The following GRAMD4 variants were observed in gnomAD, a reference collection of about 807,000 sequenced individuals.
GRAMD4 encodes the protein GRAM domain-containing protein 4.
In GRAMD4, 25 loss-of-function variants were observed where a neutral mutation model predicts 83.9. The ratio of observed to expected loss-of-function variants is 0.30; its 90% CI spans 0.22 to 0.42. The LOEUF (loss-of-function observed/expected upper bound fraction) is 0.42. Among genes scored for constraint, GRAMD4 ranks in the 10% least tolerant of loss-of-function variants. GRAMD4 has a pLI of 1.00. For synonymous variants in GRAMD4, 336 were observed against 320.9 expected, an observed-to-expected ratio of 1.05 and a Z score of -0.50; for missense variants, 593 against 788.7, an observed-to-expected ratio of 0.75 and a Z score of 2.97.
intron 1 of GRAMD4, among the ~76,000 whole-genome samples, chr22:46,583,941 CCTT>C (rs1182423423): frequency 2.6e-5 from 4 of 152,176 alleles, no homozygotes; most frequent in East Asian, 3.8e-4. Context: ...ACTGATGTGG[CCTT>C]CTTCTTCAGG....
At chr22:46,596,575 C>G (rs2081264066) in intron 1 of GRAMD4, among the ~76,000 whole-genome samples, 1 of 152,176 alleles carries the variant, frequency 6.6e-6, no homozygotes, top group African/African-American at 2.4e-5. Flanking sequence ...GTCTCATGTG[C>G]TCTGTTGCCC....
At chr22:46,614,384 G>T (rs76623128) in intron 1 of GRAMD4, among the ~76,000 whole-genome samples, 12,084 of 152,232 alleles carry the variant, frequency 0.079, 843 homozygotes, top group African/African-American at 0.19. Context: ...AATTGTGTGA[G>T]GTCTGTAGCC....
chr22:46,626,882 C>T lies in GRAMD4; in HGVS notation c.83C>T (p.Ser28Leu), dbSNP rs774960645. The part of the protein sequence containing the change: ...FLDLAESPNA[S>L]DTECSDEIPL... ...GATCTAGCGGAGTCTCCAAATGCCT[C>T]GGACACCGAATGCAGCGACGAAATC... The change falls in exon 2 of 19, where the codon TCG (serine) becomes TTG (leucine). Residue 28 changes from serine to leucine, a missense_variant. By Grantham distance (145) the Ser-to-Leu change is moderately radical. Around this residue, in one of 4 missense-constraint regions of GRAMD4, gnomAD observed 312 missense variants for 350.7 expected, o/e 0.89. Transcript: ENST00000406902. 9.3e-6 allele frequency: 15 copies of T among 1,614,010 alleles called. No homozygotes were observed. The highest frequency in any genetic ancestry group is 6.7e-5 in the East Asian group (3 of 44,888).
chr22:46,626,747 G>A lies in GRAMD4; in HGVS notation c.-49-4G>A, dbSNP rs1390609854. On this transcript the variant is annotated splice_region_variant and splice_polypyrimidine_tract_variant and intron_variant, in intron 1 of 18. Transcript: ENST00000406902. Reference sequence around the variant, plus strand: ...GGGAGAGTGACCACGCCCCTCTCTTGCAGGGAACCCGAGCGTCATGTTAGG... The same window carrying A: ...GGGAGAGTGACCACGCCCCTCTCTTACAGGGAACCCGAGCGTCATGTTAGG... 4.7e-5 allele frequency: 75 copies of A among 1,589,994 alleles called. No individual in the cohort carries two copies. Among genetic ancestry groups the A allele is most frequent in the Middle Eastern group, 1.7e-4 (1 of 5,978 alleles).
chr22:46,674,936 G>A (rs1053057360), intron 16 of GRAMD4, among the ~76,000 whole-genome samples, 186 bp downstream of exon 16: 3 of 152,242 alleles, frequency 2.0e-5, no homozygotes, highest in African/African-American at 7.2e-5. Context: ...AGCCGGACGT[G>A]GCCTGGGCTG....
chr22:46,586,977 ACCCT>A (rs2081156800), intron 1 of GRAMD4, among the ~76,000 whole-genome samples: 1 of 152,006 alleles, frequency 6.6e-6, no homozygotes, highest in South Asian at 2.1e-4. Context: ...CCCAGAACCC[ACCCT>A]CTTACCCGGG....
At chr22:46,623,822 C>T (rs1218655982) in intron 1 of GRAMD4, among the ~76,000 whole-genome samples, 3 of 150,730 alleles carry the variant, frequency 2.0e-5, no homozygotes, top group Non-Finnish European at 4.4e-5. Context: ...TGCTCTGTTG[C>T]CCAGGCTGGA....
chr22:46,666,225 C>T (rs2082406780), intron 9 of GRAMD4, among the ~76,000 whole-genome samples: 2 of 152,324 alleles, frequency 1.3e-5, no homozygotes, highest in Admixed American at 1.3e-4. Context: ...CCTGTGGAGG[C>T]TGAGGGGGGC....
intron 14 of GRAMD4, 26 bp from the exon 15 acceptor site, chr22:46,673,644 A>G: frequency 6.2e-7 from 1 of 1,605,314 alleles, no homozygotes; most frequent in Non-Finnish European, 8.5e-7. Context: ...AGCGGGCCTG[A>G]CCTCGACGCT....
At position 46,677,636 on chromosome 22, in the gene GRAMD4, T is replaced by C. The variant is rs965797630; in HGVS notation, c.*385T>C. 4.8e-5 allele frequency: 48 copies of C among 1,002,444 alleles called. No homozygotes were observed. The highest frequency in any genetic ancestry group is 5.7e-5 in the Non-Finnish European group (48 of 840,542). The allele number at this position is 1,002,444 out of a possible 1,614,324, so 62.1% of individuals were successfully genotyped here. ...GTTCTCGCAACCTTGTGTCCCGCTC[T>C]CCAGAGGCCAGAAGCTCGTCCACCA... On this transcript the variant is annotated 3_prime_UTR_variant, in exon 19 of 19. Transcript: ENST00000406902.
At chr22:46,638,526 G>A (rs749817874) in intron 3 of GRAMD4, among the ~76,000 whole-genome samples, 9 of 152,326 alleles carry the variant, frequency 5.9e-5, no homozygotes, top group Non-Finnish European at 1.2e-4. Context: ...GGGCTCGCAG[G>A]CTTGGCCCCA....
intron 2 of GRAMD4, among the ~76,000 whole-genome samples, chr22:46,630,037 T>C (rs2081743308): frequency 6.6e-6 from 1 of 152,008 alleles, no homozygotes; most frequent in South Asian, 2.1e-4. Flanking sequence ...TATTCTTTTT[T>C]TTTTTGAGAC....
chr22:46,638,253 G>A lies in GRAMD4; in HGVS notation c.283+293G>A, dbSNP rs550791780. 2.6e-5 allele frequency among the ~76,000 whole-genome samples: 4 copies of A among 152,396 alleles called. No individual in the cohort carries two copies. The South Asian group carries it at 8.3e-4, about 32-fold the overall frequency. The stretch of plus-strand genomic sequence containing the variant: ...CCTTTCCCCTGCGGGGTAAAGGAGA[G>A]TCTCTGGGGAAAAGGAGTGAAATGT... On this transcript the variant is annotated intron_variant, in intron 3 of 18. Coordinates refer to ENST00000406902, the MANE Select transcript of GRAMD4 (RefSeq NM_015124.5).
intron 3 of GRAMD4, among the ~76,000 whole-genome samples, chr22:46,648,460 GA>G (rs2082104596): frequency 6.6e-6 from 1 of 151,006 alleles, no homozygotes; most frequent in Admixed American, 6.6e-5. Flanking sequence ...TGGATGAGTG[GA>G]TGGATGGATG....
At chr22:46,638,048 G>A in intron 3 of GRAMD4, 88 bp downstream of exon 3, 1 of 1,422,180 alleles carries the variant, frequency 7.0e-7, no homozygotes, top group Non-Finnish European at 9.8e-7. Flanking sequence ...CAGGAGCTGG[G>A]TCTGGTGAAG....
intron 1 of GRAMD4, among the ~76,000 whole-genome samples, chr22:46,610,269 G>C (rs2081404456): frequency 6.6e-6 from 1 of 152,228 alleles, no homozygotes; most frequent in Non-Finnish European, 1.5e-5. Flanking sequence ...GTTCCCTCTG[G>C]TCTGCCCTGT....
rs1569265859 is a variant in GRAMD4 at position 46,620,884 on chromosome 22, G to A, written c.-50+319G>A. On this transcript the variant is annotated intron_variant, in intron 1 of 18. Transcript: ENST00000406902. The surrounding 1 kb of genome is among the most constrained non-coding windows in gnomAD (Gnocchi z 4.7). ...CCCCTCAGAACCTGACAGGACGAGA[G>A]GAAGGGAGGCCGATCTGAGAGGGAG... is the stretch of plus-strand genomic sequence containing the variant. 6.6e-6 allele frequency among the ~76,000 whole-genome samples: 1 copy of A among 152,180 alleles called. No individual in the cohort carries two copies. The highest frequency in any genetic ancestry group is 1.5e-5 in the Non-Finnish European group (1 of 68,024).
chr22:46,646,365 G>T (rs759885815), intron 3 of GRAMD4, among the ~76,000 whole-genome samples: 1 of 152,310 alleles, frequency 6.6e-6, no homozygotes, highest in Admixed American at 6.5e-5. Context: ...TGGCCCTTAC[G>T]CCATGGGAGA....
At chr22:46,645,471 C>T (rs2082060173) in intron 3 of GRAMD4, among the ~76,000 whole-genome samples, 1 of 152,214 alleles carries the variant, frequency 6.6e-6, no homozygotes, top group African/African-American at 2.4e-5. Context: ...ATTCTTGACT[C>T]AGGCGCTGGT....
Sources: gnomAD v4.1 joint callset for allele counts (sites outside exome capture counted in the v4.1 genomes callset) on GRCh38, gnomAD v4.1.1 for gene constraint, gnomAD v4.1.1 regional missense constraint, Gnocchi (gnomAD v3.1) non-coding constraint, MANE v1.5 for transcripts, NCBI Gene and HGNC (gene_info 2026-07-23, HGNC 2026-07-21) for gene names.